Variants in PSMD6 observed in about 807,000 individuals in gnomAD.
PSMD6 encodes 26S proteasome non-ATPase regulatory subunit 6.
A neutral mutation model predicts 44.9 loss-of-function variants in PSMD6; 7 were observed. The ratio of observed to expected loss-of-function variants is 0.16; its 90% CI spans 0.09 to 0.29. PSMD6 has a LOEUF of 0.29. Ranked by LOEUF, PSMD6 falls within the 10% of genes least tolerant of loss-of-function variation. The pLI is 1.00. For missense variants in PSMD6, 420 were observed against 482.6 expected (o/e 0.87, Z 1.21); for synonymous variants, 184 against 172.7 (o/e 1.07, Z -0.51).
At chr3:64,011,406 T>C (rs1658874079) in intron 6 of PSMD6, 1 of 152,438 alleles carries the variant, frequency 6.6e-6, no homozygotes, top group African/African-American at 2.4e-5. Flanking sequence ...CATATCTTAG[T>C]CTAAACAAGT....
rs2075920409 is a variant in PSMD6, at chr3:64,010,621, T to C, written c.*47A>G. 1.4e-6 allele frequency: 2 copies of C among 1,400,522 alleles called. No individual in the cohort carries two copies. Among genetic ancestry groups the C allele is most frequent in the Non-Finnish European group, 2.0e-6 (2 of 1,008,292 alleles). 86.8% of individuals were successfully genotyped at this position (1,400,522 alleles called of 1,614,324 possible). ...CACATTGTGAAGTAAGCTATAAAAA[T>C]TCCAAATAATTATCTCTAAAGCAAA... On this transcript the variant is annotated 3_prime_UTR_variant, in exon 8 of 8. Coordinates refer to ENST00000295901, the MANE Select transcript of PSMD6 (RefSeq NM_014814.3).
Position 64,010,554 on chromosome 3 carries a change from A to AGAAACAACAATGCAGTAT in PSMD6, c.*96_*113dup. 1.4e-6 allele frequency: 1 copy of AGAAACAACAATGCAGTAT among 712,412 alleles called. No individual in the cohort carries two copies. Among genetic ancestry groups the AGAAACAACAATGCAGTAT allele is most frequent in the Non-Finnish European group, 2.2e-6 (1 of 453,062 alleles). The allele number at this position is 712,412 out of a possible 1,614,324, so 44.1% of individuals were successfully genotyped here. On this transcript the variant is annotated 3_prime_UTR_variant, in exon 8 of 8. Transcript: ENST00000295901. The stretch of plus-strand genomic sequence containing the variant: ...GTGTTTAAGAAAAAAATAAATGGAA[A>AGAAACAACAATGCAGTAT]GAAACAACAATGCAGTATTTATTTT...
chr3:64,010,604 GAAGT>G lies in PSMD6; in HGVS notation c.*60_*63del, dbSNP rs2075920034. ...TATACAGCTGACCTGGGCACATTGT[GAAGT>G]AAGCTATAAAAATTCCAAATAATTA... On this transcript the variant is annotated 3_prime_UTR_variant, in exon 8 of 8. Coordinates refer to ENST00000295901, the MANE Select transcript of PSMD6 (RefSeq NM_014814.3). 8.3e-7 allele frequency: 1 copy of G among 1,201,372 alleles called. No individual in the cohort carries two copies. The highest frequency in any genetic ancestry group is 1.5e-5 in the African/African-American group (1 of 65,264). 74.4% of individuals were successfully genotyped at this position (1,201,372 alleles called of 1,614,324 possible). A position where few individuals can be genotyped will look rare whatever the true frequency, so the allele number is the denominator to read the frequency against.
At position 64,013,528 on chromosome 3, in the gene PSMD6, A is replaced by C; in HGVS notation, c.906T>G (p.His302Gln). Residue 302 changes from histidine (H) to glutamine (Q), a missense_variant, in exon 6 of 8, where the codon CAT becomes CAG. His to Gln is a conservative substitution (Grantham distance 24, BLOSUM62 0). Transcript: ENST00000295901. ...YRYYVREMRI[H>Q]AYSQLLESYR... Reference sequence around the variant, plus strand: ...ATGATTCCAGCAGCTGACTGTATGCATGAATTCTCATTTCTCTTACATAGT... The same window carrying C: ...ATGATTCCAGCAGCTGACTGTATGCCTGAATTCTCATTTCTCTTACATAGT... The C allele has an allele frequency of 1.2e-6, 2 of 1,613,764 alleles. No individual in the cohort carries two copies. Among genetic ancestry groups the C allele is most frequent in the Non-Finnish European group, 1.7e-6 (2 of 1,179,774 alleles).
rs141729355 is a variant in PSMD6, at chr3:64,022,694, T to G, written c.146-171A>C. 833 of 1,537,330 alleles carry G rather than the reference T, an allele frequency of 5.4e-4. 4 individuals carry two copies. The African/African-American group carries it at 7.3e-3, about 14-fold the overall frequency. On this transcript the variant is annotated intron_variant, in intron 1 of 7. Coordinates refer to ENST00000295901, the MANE Select transcript of PSMD6 (RefSeq NM_014814.3). ...ATCGGCTTGGCAAAACATAAACGTA[T>G]GCTGGTGGGAGGTTTGCGTGACGGC...
intron 5 of PSMD6, chr3:64,016,113 G>C (rs561848821): frequency 6.6e-6 from 1 of 152,170 alleles, no homozygotes; most frequent in East Asian, 1.9e-4. Flanking sequence ...CATGAACCCG[G>C]GAGGCGGAGC....
chr3:64,018,502 A>G (rs2106864560), intron 5 of PSMD6, 97 bp downstream of exon 5: 1 of 888,412 alleles, frequency 1.1e-6, no homozygotes, highest in Non-Finnish European at 1.7e-6. Context: ...TACACACTAC[A>G]TTTCTCAGAT....
chr3:64,016,800 C>A (rs2076051075), intron 5 of PSMD6: 1 of 152,078 alleles, frequency 6.6e-6, no homozygotes, highest in African/African-American at 2.4e-5. Context: ...CAGAGGGTTG[C>A]CATTAAGATG....
At chr3:64,018,193 C>G (rs1050145291) in intron 5 of PSMD6, 1 of 155,086 alleles carries the variant, frequency 6.4e-6, no homozygotes, top group Non-Finnish European at 1.4e-5. Context: ...AGAATTCCCT[C>G]ACTTCTGTCC....
intron 6 of PSMD6, 181 bp from the exon 7 acceptor site, chr3:64,011,136 C>G: frequency 2.0e-6 from 1 of 509,902 alleles, no homozygotes; most frequent in East Asian, 3.2e-5. Context: ...TCATCATCTA[C>G]TAGAATAAAC....
chr3:64,018,336 A>G (rs1009638456), intron 5 of PSMD6: 6 of 302,328 alleles, frequency 2.0e-5, no homozygotes, highest in South Asian at 1.3e-4. Context: ...TGCAAGCTAC[A>G]TAGCTCTCCG....
At chr3:64,015,816 T>G (rs770905191) in intron 5 of PSMD6, 1 of 152,244 alleles carries the variant, frequency 6.6e-6, no homozygotes, top group Non-Finnish European at 1.5e-5. Context: ...CTTCTTTATA[T>G]GATACTGTTT....
In PSMD6 at chr3:64,010,968, C is replaced by G; in HGVS notation, c.996-13G>C. 1 of 1,558,834 alleles carries G rather than the reference C, an allele frequency of 6.4e-7. No homozygotes were observed. Among genetic ancestry groups the G allele is most frequent in the Non-Finnish European group, 8.7e-7 (1 of 1,145,390 alleles). ...CCTGGACAGTTCCCTAATTTAGAGACAAAAAATAACAGAATTAGCTTTATA... is the reference window on the plus strand; with the variant it reads ...CCTGGACAGTTCCCTAATTTAGAGAGAAAAAATAACAGAATTAGCTTTATA... On this transcript the variant is annotated splice_polypyrimidine_tract_variant and intron_variant, in intron 6 of 7. Transcript: ENST00000295901.
Position 64,018,998 on chromosome 3 carries a change from G to C in PSMD6, c.537C>G (p.Arg179=), listed in dbSNP as rs918533407. The change falls in exon 4 of 8, where the codon CGC becomes CGG. Residue 179 remains arginine, a synonymous_variant. Transcript: ENST00000295901. ...AATAAAGACCCTGATACACTTTTAG[G>C]CGGTTTCTCCTGTCCCAGTCTCCTC... The part of the protein sequence containing the change: ...EEGGDWDRRN[R]LKVYQGLYCV... The C allele has an allele frequency of 1.2e-6, 2 of 1,612,236 alleles. No homozygotes were observed. Among genetic ancestry groups the C allele is most frequent in the African/African-American group, 2.7e-5 (2 of 74,818 alleles).
intron 5 of PSMD6, chr3:64,017,000 T>C (rs944836419): frequency 5.9e-5 from 9 of 152,214 alleles, no homozygotes; most frequent in Middle Eastern, 3.2e-3. Flanking sequence ...TGATACATGC[T>C]ACAACATGGA....
At chr3:64,010,991 ATAGAAAATTCT>A (rs928482329) in intron 6 of PSMD6, 36 bp from the exon 7 acceptor site, 75 of 1,508,866 alleles carry the variant, frequency 5.0e-5, no homozygotes, top group Non-Finnish European at 6.4e-5. Context: ...AATTAGCTTT[ATAGAAAATTCT>A]TAGAAAAATG....
rs1006777351 is a variant in PSMD6, at chr3:64,023,202, A to G, written c.145+73T>C. The G allele has an allele frequency of 4.1e-5, 61 of 1,471,772 alleles. No individual in the cohort carries two copies. In the South Asian group the frequency reaches 7.7e-4, roughly 19 times the overall value. The allele number at this position is 1,471,772 out of a possible 1,614,324, so 91.2% of individuals were successfully genotyped here. A position where few individuals can be genotyped will look rare whatever the true frequency, so the allele number is the denominator to read the frequency against. Reference sequence around the variant, plus strand: ...AGGGGTCTGGAGCTCCATCAAAAAAAGTCCCCGCAGGCTCCGGAACGCGGG... The same window carrying G: ...AGGGGTCTGGAGCTCCATCAAAAAAGGTCCCCGCAGGCTCCGGAACGCGGG... On this transcript the variant is annotated intron_variant, in intron 1 of 7. Transcript: ENST00000295901.
intron 6 of PSMD6, chr3:64,011,585 G>A (rs1206023766): frequency 4.6e-5 from 7 of 151,884 alleles, no homozygotes; most frequent in Non-Finnish European, 1.0e-4. Flanking sequence ...GCCTTTTTAG[G>A]TAACAACAAC....
chr3:64,011,022 T>TTAAAATACTGTCTTAAATTTG, intron 6 of PSMD6, 67 bp from the exon 7 acceptor site: 1 of 1,265,962 alleles, frequency 7.9e-7, no homozygotes, highest in Non-Finnish European at 1.1e-6. Flanking sequence ...GCAAACGGCA[T>TTAAAATACTGTCTTAAATTTG]TAAAATACTG....
Sources: gnomAD v4.1 joint callset for allele counts on GRCh38, gnomAD v4.1.1 for gene constraint, MANE v1.5 for transcripts, NCBI Gene and HGNC (gene_info 2026-07-23, HGNC 2026-07-21) for gene names.